Variants in PDE1C observed in about 807,000 individuals in gnomAD.
PDE1C encodes the protein phosphodiesterase 1C.
PDE1C carries 62 observed loss-of-function variants against 93.1 expected under a neutral mutation model. The observed-to-expected ratio is 0.67, with a 90% CI of 0.54 to 0.82. PDE1C has a LOEUF of 0.82. Among genes scored for constraint, PDE1C ranks in the 40% least tolerant of loss-of-function variants. PDE1C has a pLI of 0.00. For missense variants in PDE1C, 742 were observed against 884.6 expected, an observed-to-expected ratio of 0.84 and a Z score of 2.04; for synonymous variants, 325 against 310.1, an observed-to-expected ratio of 1.05 and a Z score of -0.50.
intron 2 of PDE1C, among the ~76,000 whole-genome samples, chr7:32,047,060 A>AGG (rs1792691497): frequency 1.3e-5 from 1 of 75,488 alleles, no homozygotes; most frequent in Non-Finnish European, 2.7e-5. Context: ...TGTGCGAGAC[A>AGG]GAGTGTGTGT....
At chr7:32,406,386 G>A (rs1290791301) in intron 1 of PDE1C, among the ~76,000 whole-genome samples, 1 of 152,098 alleles carries the variant, frequency 6.6e-6, no homozygotes, top group Non-Finnish European at 1.5e-5. Flanking sequence ...GAACAATTAA[G>A]AGGACACTGA....
intron 3 of PDE1C, among the ~76,000 whole-genome samples, chr7:32,136,217 G>A (rs916855029): frequency 6.6e-6 from 1 of 152,034 alleles, no homozygotes; most frequent in Non-Finnish European, 1.5e-5. Context: ...AGAAGGATGT[G>A]CTCATTAATT....
chr7:32,039,911 A>C (rs1319634798), intron 2 of PDE1C, among the ~76,000 whole-genome samples: 2 of 152,240 alleles, frequency 1.3e-5, no homozygotes, highest in Non-Finnish European at 2.9e-5. Context: ...AGTAAAATAC[A>C]ATAGCATGTG....
intron 11 of PDE1C, among the ~76,000 whole-genome samples, chr7:31,829,773 A>G (rs1790145535): frequency 6.6e-6 from 1 of 152,128 alleles, no homozygotes; most frequent in Non-Finnish European, 1.5e-5. Context: ...CTGCTCTCTC[A>G]AGTGGCATGA....
At chr7:31,902,072 C>CT (rs1397169376) in intron 2 of PDE1C, among the ~76,000 whole-genome samples, 12 of 151,552 alleles carry the variant, frequency 7.9e-5, no homozygotes, top group Admixed American at 1.3e-4. Flanking sequence ...AAAGGTTTCT[C>CT]TAAGCATGGC....
intron 1 of PDE1C, among the ~76,000 whole-genome samples, chr7:32,237,113 G>A (rs1201352368): frequency 7.3e-6 from 1 of 137,082 alleles, no homozygotes; most frequent in Non-Finnish European, 1.5e-5. Context: ...TTAAGATGGA[G>A]TCTCGCTCTG....
chr7:32,218,628 T>C (rs1457821517), intron 1 of PDE1C, among the ~76,000 whole-genome samples: 2 of 152,264 alleles, frequency 1.3e-5, no homozygotes, highest in Non-Finnish European at 2.9e-5. Flanking sequence ...AATCTATTTC[T>C]TCCCTGGACC....
At position 32,346,585 on chromosome 7, in the gene PDE1C, C is replaced by A. The variant is rs7789000; in HGVS notation, c.310+81237G>T. Among the ~76,000 whole-genome samples, 1,368 of 152,300 alleles carry A rather than the reference C, an allele frequency of 9.0e-3. 27 individuals carry two copies. The highest frequency in any genetic ancestry group is 0.032 in the African/African-American group (1,317 of 41,554). On this transcript the variant is annotated intron_variant, in intron 1 of 1. Coordinates refer to the PDE1C transcript ENST00000672256. ...AACATTAAAAAGCAAACAAGTAACACCATGGCAAGCTTGGAACAAGACTGC... is the reference window on the plus strand; with the variant it reads ...AACATTAAAAAGCAAACAAGTAACAACATGGCAAGCTTGGAACAAGACTGC...
chr7:32,254,277 T>C (rs1585034830), intron 1 of PDE1C, among the ~76,000 whole-genome samples: 1 of 152,214 alleles, frequency 6.6e-6, no homozygotes, highest in Admixed American at 6.5e-5. Context: ...GGAGGTCCTA[T>C]GTTATGCAGG....
chr7:31,865,331 T>A, intron 6 of PDE1C, among the ~76,000 whole-genome samples: 1 of 152,224 alleles, frequency 6.6e-6, no homozygotes, highest in East Asian at 1.9e-4. Flanking sequence ...CCCTGAGAAA[T>A]GACATCTGAT....
intron 2 of PDE1C, among the ~76,000 whole-genome samples, chr7:31,958,053 A>T (rs1476560670): frequency 1.3e-5 from 2 of 152,196 alleles, no homozygotes; most frequent in African/African-American, 4.8e-5. Flanking sequence ...ATTAAATGAA[A>T]TGCTTCTTCT....
the PDE1C span, among the ~76,000 whole-genome samples, chr7:31,624,261 GA>G: frequency 6.9e-6 from 1 of 144,476 alleles, no homozygotes; most frequent in Non-Finnish European, 1.5e-5. Flanking sequence ...CACAGAATTG[GA>G]AAAAACTACT....
At chr7:31,898,412 C>T (rs1448296827) in intron 2 of PDE1C, among the ~76,000 whole-genome samples, 2 of 152,064 alleles carry the variant, frequency 1.3e-5, no homozygotes, top group African/African-American at 4.8e-5. Context: ...TGCTTTAACA[C>T]TTAATGTATT....
the PDE1C span, among the ~76,000 whole-genome samples, chr7:31,678,395 C>A: frequency 6.6e-5 from 10 of 152,050 alleles, no homozygotes; most frequent in African/African-American, 2.2e-4. Flanking sequence ...AGCAATGGAA[C>A]AGAATAGAAA....
intron 3 of PDE1C, among the ~76,000 whole-genome samples, chr7:32,105,292 A>G (rs1798241626): frequency 6.6e-6 from 1 of 152,188 alleles, no homozygotes; most frequent in Admixed American, 6.5e-5. Context: ...TAGCAAAAAT[A>G]TTTAGGAACC....
intron 2 of PDE1C, among the ~76,000 whole-genome samples, chr7:32,040,036 C>A (rs1222829074): frequency 1.3e-5 from 2 of 152,116 alleles, no homozygotes; most frequent in Admixed American, 6.5e-5. Context: ...ATTAAAAGTA[C>A]GTCTAAAAAT....
intron 1 of PDE1C, among the ~76,000 whole-genome samples, chr7:32,054,383 A>T (rs1310143229): frequency 1.1e-4 from 16 of 152,192 alleles, no homozygotes; most frequent in Admixed American, 9.2e-4. Context: ...GAAATGGATG[A>T]GATGATCTCA....
chr7:32,010,545 A>G (rs917000217), intron 2 of PDE1C, among the ~76,000 whole-genome samples: 6 of 152,242 alleles, frequency 3.9e-5, no homozygotes, highest in African/African-American at 1.4e-4. Flanking sequence ...TAAAAGTTCC[A>G]AAAGAAAATG....
intron 3 of PDE1C, among the ~76,000 whole-genome samples, chr7:32,147,120 G>T (rs750364193): frequency 2.6e-5 from 4 of 151,464 alleles, no homozygotes; most frequent in Non-Finnish European, 5.9e-5. Flanking sequence ...TTAAAAGGAT[G>T]AAGTAAATCA....
Sources: allele counts gnomAD v4.1 joint callset (sites outside exome capture counted in the v4.1 genomes callset), GRCh38; gene constraint gnomAD v4.1.1; transcripts MANE v1.5; gene names NCBI Gene and HGNC (gene_info 2026-07-23, HGNC 2026-07-21).